The following ECPAS variants were observed in gnomAD, a reference collection of about 807,000 sequenced individuals.
ECPAS encodes the protein proteasome adapter and scaffold protein ECM29.
A neutral mutation model predicts 255.1 loss-of-function variants in ECPAS; 70 were observed. That is an observed-to-expected ratio of 0.27 (90% CI 0.23 to 0.33). The LOEUF (loss-of-function observed/expected upper bound fraction) is 0.33. ECPAS is among the 10% of genes least tolerant of loss of function. The pLI is 1.00. For synonymous variants in ECPAS, 784 were observed against 775.0 expected (o/e 1.01, Z -0.19); for missense variants, 1,817 against 2,206.4 (o/e 0.82, Z 3.54).
intron 8 of ECPAS, among the ~76,000 whole-genome samples, chr9:111,432,626 T>C (rs763589114): frequency 4.6e-5 from 7 of 152,262 alleles, no homozygotes; most frequent in East Asian, 3.9e-4. Flanking sequence ...AAAATAAATA[T>C]ATAAATAAAA....
Position 111,410,024 on chromosome 9 carries a change from A to G in ECPAS, c.2550+17T>C, listed in dbSNP as rs748980936. 13 of 1,540,318 alleles carry G rather than the reference A, an allele frequency of 8.4e-6. No homozygotes were observed. In the Admixed American group the frequency reaches 2.4e-4, roughly 28 times the overall value. ...AGACCGAATTCCAGAAAGGGAAAAAATAAGAAAAAAACTTACCTTATTTGT... is the reference window on the plus strand; with the variant it reads ...AGACCGAATTCCAGAAAGGGAAAAAGTAAGAAAAAAACTTACCTTATTTGT... On this transcript the variant is annotated intron_variant, in intron 23 of 49. Transcript: ENST00000684092.
intron 24 of ECPAS, among the ~76,000 whole-genome samples, chr9:111,405,901 C>A (rs1303282070): frequency 6.7e-6 from 1 of 148,564 alleles, no homozygotes; most frequent in Non-Finnish European, 1.5e-5. Flanking sequence ...AGCTGATAGT[C>A]AGAATGTGAA....
intron 24 of ECPAS, among the ~76,000 whole-genome samples, chr9:111,398,677 C>G (rs2098171082): frequency 6.6e-6 from 1 of 152,124 alleles, no homozygotes; most frequent in Non-Finnish European, 1.5e-5. Context: ...TGGCTCACAC[C>G]TGTAATCCCA....
At position 111,483,478 on chromosome 9, in the gene ECPAS, G is replaced by A. The variant is rs2098310035; in HGVS notation, c.-83+638C>T. On this transcript the variant is annotated intron_variant, in intron 1 of 49. Transcript: ENST00000684092. ...CGCGCGGCGCCCGTTCCGGCTCGCG[G>A]CCGCAGGTTCGGCCGCGGCACTTAC... The A allele has an allele frequency of 1.4e-5, 14 of 976,648 alleles. No homozygotes were observed. In the South Asian group the frequency reaches 5.7e-4, roughly 40 times the overall value. The allele number at this position is 976,648 out of a possible 1,614,324, so 60.5% of individuals were successfully genotyped here.
intron 25 of ECPAS, among the ~76,000 whole-genome samples, chr9:111,395,465 TCTCCA>T (rs1277348905): frequency 6.6e-6 from 1 of 152,044 alleles, no homozygotes. Flanking sequence ...ATCCCTCCCT[TCTCCA>T]CAATATTTTA....
intron 9 of ECPAS, 48 bp from the exon 10 acceptor site, chr9:111,428,209 G>C (rs2098224581): frequency 6.4e-7 from 1 of 1,561,320 alleles, no homozygotes; most frequent in Non-Finnish European, 8.7e-7. Flanking sequence ...AAATTATTTT[G>C]AACTGAAAAT....
intron 2 of ECPAS, among the ~76,000 whole-genome samples, chr9:111,452,879 G>C (rs2098262167): frequency 6.6e-6 from 1 of 152,104 alleles, no homozygotes; most frequent in Non-Finnish European, 1.5e-5. Flanking sequence ...CTTGGAAAAA[G>C]GTCTGAGTTT....
At chr9:111,449,906 T>C (rs2098258044) in intron 3 of ECPAS, among the ~76,000 whole-genome samples, 1 of 152,220 alleles carries the variant, frequency 6.6e-6, no homozygotes, top group Non-Finnish European at 1.5e-5. Flanking sequence ...TCAGAACACC[T>C]GCACAGGGTC....
At chr9:111,390,764 T>A (rs920556152) in intron 29 of ECPAS, among the ~76,000 whole-genome samples, 1 of 152,180 alleles carries the variant, frequency 6.6e-6, no homozygotes, top group Admixed American at 6.5e-5. Flanking sequence ...CAGCAAAGAT[T>A]TGCCTAACGA....
At chr9:111,452,234 A>ATACT (rs2098261247) in intron 2 of ECPAS, among the ~76,000 whole-genome samples, 1 of 152,238 alleles carries the variant, frequency 6.6e-6, no homozygotes, top group African/African-American at 2.4e-5. Context: ...AAATTGTTTT[A>ATACT]GGTACTATAA....
chr9:111,394,438 A>C, intron 25 of ECPAS, 133 bp from the exon 26 acceptor site: 3 of 778,392 alleles, frequency 3.9e-6, no homozygotes, highest in Non-Finnish European at 5.5e-6. Context: ...AGGTGTTTAA[A>C]GTTGCTGAAG....
intron 36 of ECPAS, among the ~76,000 whole-genome samples, chr9:111,377,889 G>A (rs905777284): frequency 2.0e-5 from 3 of 152,210 alleles, no homozygotes; most frequent in African/African-American, 7.2e-5. Flanking sequence ...GCTCACGCCT[G>A]TAATCCCAGC....
chr9:111,399,022 T>A (rs544893786), intron 24 of ECPAS, among the ~76,000 whole-genome samples: 5 of 151,084 alleles, frequency 3.3e-5, no homozygotes, highest in African/African-American at 1.2e-4. Flanking sequence ...TTGTACATTT[T>A]AAAATAGCTA....
intron 29 of ECPAS, 88 bp from the exon 30 acceptor site, chr9:111,390,189 C>A: frequency 2.9e-6 from 2 of 694,292 alleles, no homozygotes; most frequent in African/African-American, 3.6e-5. Flanking sequence ...CTAGGACATA[C>A]TAAAATCAAA....
intron 10 of ECPAS, 104 bp from the exon 11 acceptor site, chr9:111,425,932 G>A (rs775444557): frequency 2.1e-5 from 12 of 575,382 alleles, no homozygotes; most frequent in East Asian, 2.9e-5. Flanking sequence ...ACTACATCTC[G>A]TTCTTCAACA....
intron 3 of ECPAS, among the ~76,000 whole-genome samples, chr9:111,447,399 C>T (rs1051090085): frequency 2.0e-5 from 3 of 152,278 alleles, no homozygotes; most frequent in South Asian, 4.1e-4. Flanking sequence ...GCATGAGCTA[C>T]TACTGCACTC....
chr9:111,385,251 G>A (rs2098146317), intron 33 of ECPAS, 86 bp downstream of exon 33: 1 of 723,256 alleles, frequency 1.4e-6, no homozygotes, highest in Non-Finnish European at 2.2e-6. Flanking sequence ...ATCTGGAAAT[G>A]GAATTTTGAC....
At chr9:111,370,339 TA>T in intron 45 of ECPAS, 95 bp downstream of exon 45, 1 of 784,620 alleles carries the variant, frequency 1.3e-6, no homozygotes, top group Non-Finnish European at 2.0e-6. Context: ...TACTTGCAGC[TA>T]AACTAATCCT....
At chr9:111,478,411 C>T (rs2098299291) in intron 1 of ECPAS, among the ~76,000 whole-genome samples, 1 of 152,016 alleles carries the variant, frequency 6.6e-6, no homozygotes, top group Non-Finnish European at 1.5e-5. Context: ...CCTGTAATCC[C>T]AGCTACTCAG....
Sources: allele counts gnomAD v4.1 joint callset (sites outside exome capture counted in the v4.1 genomes callset), GRCh38; gene constraint gnomAD v4.1.1; transcripts MANE v1.5; gene names NCBI Gene and HGNC (gene_info 2026-07-23, HGNC 2026-07-21).